Variants in DLG2 observed in about 807,000 individuals in gnomAD.
The protein encoded by DLG2 is disks large homolog 2.
A neutral mutation model predicts 132.5 loss-of-function variants in DLG2; 45 were observed. The observed-to-expected ratio is 0.34, with a 90% confidence interval of 0.27 to 0.44. The LOEUF (loss-of-function observed/expected upper bound fraction) is 0.44. Ranked by LOEUF, DLG2 falls within the 20% of genes least tolerant of loss-of-function variation. The probability of loss-of-function intolerance (pLI) is 1.00; values close to 1 mark genes in which losing one functional copy is unlikely to be tolerated. For missense variants in DLG2, 1,045 were observed against 1,196.9 expected, an observed-to-expected ratio of 0.87 and a Z score of 1.87; for synonymous variants, 424 against 419.6, an observed-to-expected ratio of 1.01 and a Z score of -0.13.
chr11:85,099,728 A>G (rs2070539499), intron 6 of DLG2, among the ~76,000 whole-genome samples: 1 of 152,178 alleles, frequency 6.6e-6, no homozygotes, highest in South Asian at 2.1e-4. Flanking sequence ...ATAGCCACCA[A>G]TACCCAAATT....
intron 6 of DLG2, among the ~76,000 whole-genome samples, chr11:84,947,892 T>C (rs1395626596): frequency 2.0e-5 from 3 of 152,212 alleles, no homozygotes; most frequent in Non-Finnish European, 2.9e-5. Context: ...AATTTATTCA[T>C]TAGACAATGG....
intron 7 of DLG2, among the ~76,000 whole-genome samples, chr11:84,507,388 A>G (rs1163377332): frequency 1.3e-5 from 2 of 152,196 alleles, no homozygotes; most frequent in African/African-American, 2.4e-5. Context: ...AAGAGAAGTG[A>G]TGAGATTTAC....
intron 11 of DLG2, among the ~76,000 whole-genome samples, chr11:84,031,300 C>T (rs943886977): frequency 6.6e-6 from 1 of 150,954 alleles, no homozygotes; most frequent in South Asian, 2.1e-4. Flanking sequence ...TTATTCCCTT[C>T]TCTGTTGTAG....
chr11:84,238,216 A>G (rs1257125951), intron 8 of DLG2, among the ~76,000 whole-genome samples: 1 of 151,974 alleles, frequency 6.6e-6, no homozygotes, highest in Admixed American at 6.6e-5. Flanking sequence ...CAAAAAGTCA[A>G]TTTAAAAGCC....
chr11:83,673,905 C>T (rs1266158566), intron 18 of DLG2, among the ~76,000 whole-genome samples: 1 of 152,176 alleles, frequency 6.6e-6, no homozygotes, highest in Non-Finnish European at 1.5e-5. Flanking sequence ...TCTTTTACTC[C>T]TTTACCTCTG....
chr11:84,915,143 G>A (rs948232604), intron 6 of DLG2, among the ~76,000 whole-genome samples: 33 of 152,052 alleles, frequency 2.2e-4, no homozygotes, highest in Non-Finnish European at 3.8e-4. Flanking sequence ...TTTTCTTAAG[G>A]CAGGGAACAT....
At chr11:84,893,025 C>T (rs1026926934) in intron 6 of DLG2, among the ~76,000 whole-genome samples, 1 of 152,074 alleles carries the variant, frequency 6.6e-6, no homozygotes, top group African/African-American at 2.4e-5. Context: ...TTATATACTG[C>T]CCATCAGAAA....
chr11:84,203,495 T>C (rs2096623611), intron 8 of DLG2, among the ~76,000 whole-genome samples: 1 of 141,226 alleles, frequency 7.1e-6, no homozygotes, highest in Admixed American at 7.9e-5. Flanking sequence ...GGCAGGAGAA[T>C]GGCGTGAACC....
intron 6 of DLG2, among the ~76,000 whole-genome samples, chr11:84,897,172 C>T (rs1170516614): frequency 6.6e-6 from 1 of 151,576 alleles, no homozygotes; most frequent in Non-Finnish European, 1.5e-5. Flanking sequence ...CTAAATAATA[C>T]TTTCTAATTT....
At position 83,815,463 on chromosome 11, in the gene DLG2, G is replaced by A. The variant is rs115394817; in HGVS notation, c.1722+18151C>T. Among the ~76,000 whole-genome samples, 3 of 152,226 alleles carry A rather than the reference G, an allele frequency of 2.0e-5. No homozygotes were observed. The South Asian group carries it at 6.2e-4, about 32-fold the overall frequency. On this transcript the variant is annotated intron_variant, in intron 17 of 27. Transcript: ENST00000376104. ...GTTACCATCACGTAACCAGAGGTGG[G>A]AAGGTTGGTTAAGGGCCAGCTGACC...
intron 21 of DLG2, among the ~76,000 whole-genome samples, chr11:83,529,916 A>T (rs2140972085): frequency 6.6e-6 from 1 of 152,232 alleles, no homozygotes; most frequent in Middle Eastern, 3.4e-3. Context: ...AAAGCACATC[A>T]TATATATTTC....
chr11:84,778,530 T>G (rs571596700), intron 6 of DLG2, among the ~76,000 whole-genome samples: 3 of 152,326 alleles, frequency 2.0e-5, no homozygotes, highest in African/African-American at 7.2e-5. Flanking sequence ...ATCTGTAGAT[T>G]GCTTTGAGCA....
Position 84,884,632 on chromosome 11 carries a change from T to G in DLG2, c.357+227029A>C, listed in dbSNP as rs141559486. On this transcript the variant is annotated intron_variant, in intron 6 of 27. Transcript: ENST00000376104. Reference sequence around the variant, plus strand: ...TAGTGAGAGTTTTTAAATTGCTCTTTGTAAGGTGGACAGTGATGTGAGTGG... The same window carrying G: ...TAGTGAGAGTTTTTAAATTGCTCTTGGTAAGGTGGACAGTGATGTGAGTGG... Among the ~76,000 whole-genome samples the G allele has an allele frequency of 6.8e-3, 1,033 of 152,096 alleles. 6 individuals are homozygous for G. Among genetic ancestry groups the G allele is most frequent in the Non-Finnish European group, 9.7e-3 (661 of 67,948 alleles).
intron 6 of DLG2, among the ~76,000 whole-genome samples, chr11:84,850,422 T>A (rs1298057843): frequency 6.6e-6 from 1 of 152,100 alleles, no homozygotes; most frequent in Non-Finnish European, 1.5e-5. Context: ...AATAAACTTT[T>A]ATGGGATACT....
intron 15 of DLG2, among the ~76,000 whole-genome samples, chr11:83,905,422 G>A (rs1193920924): frequency 2.6e-5 from 4 of 151,966 alleles, no homozygotes. Flanking sequence ...AAGGAACTCT[G>A]GTCTTTTCCT....
At chr11:83,826,997 GGAGA>G (rs1364357921) in intron 17 of DLG2, among the ~76,000 whole-genome samples, 3 of 152,080 alleles carry the variant, frequency 2.0e-5, no homozygotes, top group African/African-American at 7.2e-5. Flanking sequence ...ACACACAGAG[GGAGA>G]GAGAGTTTCT....
intron 7 of DLG2, among the ~76,000 whole-genome samples, chr11:84,270,381 C>G (rs2097704815): frequency 6.6e-6 from 1 of 152,142 alleles, no homozygotes; most frequent in South Asian, 2.1e-4. Flanking sequence ...CTTGTTAACT[C>G]TAGGGGAGGA....
intron 7 of DLG2, among the ~76,000 whole-genome samples, chr11:84,459,149 A>G (rs555027517): frequency 6.0e-5 from 9 of 150,658 alleles, no homozygotes; most frequent in African/African-American, 1.9e-4. Flanking sequence ...TATGAACACT[A>G]TGTTTTGAAT....
chr11:85,465,968 T>C lies in DLG2; in HGVS notation c.40+132689A>G, dbSNP rs1415941353. 2.2e-4 allele frequency among the ~76,000 whole-genome samples: 34 copies of C among 152,152 alleles called. 1 individual carries two copies. Among genetic ancestry groups the C allele is most frequent in the East Asian group, 5.8e-4 (3 of 5,204 alleles). On this transcript the variant is annotated intron_variant, in intron 3 of 27. Coordinates refer to ENST00000376104, the MANE Select transcript of DLG2 (RefSeq NM_001142699.3). ...TTCTCCACATCCTCTCCAGCACCTG[T>C]TGTTTCCTGACTTTTTAATGATTGC... is the stretch of plus-strand genomic sequence containing the variant.
Sources: allele counts gnomAD v4.1 joint callset (sites outside exome capture counted in the v4.1 genomes callset), GRCh38; gene constraint gnomAD v4.1.1; transcripts MANE v1.5; gene names NCBI Gene and HGNC (gene_info 2026-07-23, HGNC 2026-07-21).